MGA: variants seen among roughly 807,000 people sequenced by gnomAD.
The protein encoded by MGA is MAX dimerization protein MGA.
MGA carries 40 observed loss-of-function variants against 261.1 expected under a neutral mutation model. The ratio of observed to expected loss-of-function variants is 0.15; its 90% CI spans 0.12 to 0.20. The LOEUF is 0.20. Ranked by LOEUF, MGA falls within the 10% of genes least tolerant of loss-of-function variation. The probability of loss-of-function intolerance (pLI) is 1.00; values close to 1 mark genes in which losing one functional copy is unlikely to be tolerated. For missense variants in MGA, 3,397 were observed against 3,630.5 expected, an observed-to-expected ratio of 0.94 and a Z score of 1.65; for synonymous variants, 1,302 against 1,290.6, an observed-to-expected ratio of 1.01 and a Z score of -0.19.
intron 8 of MGA, 139 bp downstream of exon 8, chr15:41,711,488 C>G (rs941783672): frequency 1.2e-6 from 1 of 821,032 alleles, no homozygotes; most frequent in Non-Finnish European, 1.8e-6. Context: ...GGAACTAAGG[C>G]TATGTCTTCC....
At chr15:41,680,775 C>T (rs2058627127) in intron 2 of MGA, among the ~76,000 whole-genome samples, 1 of 152,134 alleles carries the variant, frequency 6.6e-6, no homozygotes, top group Non-Finnish European at 1.5e-5. Flanking sequence ...TGTTCACCAG[C>T]CAGGAAGCTT....
In MGA at chr15:41,768,273, C is replaced by T. The variant is rs2063897499; in HGVS notation, c.*993C>T. 2 of 152,564 alleles carry T rather than the reference C, an allele frequency of 1.3e-5. No individual in the cohort carries two copies. The highest frequency in any genetic ancestry group is 1.3e-4 in the Admixed American group (2 of 15,284). 9.5% of individuals were successfully genotyped at this position (152,564 alleles called of 1,614,324 possible). On this transcript the variant is annotated 3_prime_UTR_variant, in exon 24 of 24. Transcript: ENST00000219905. ...GGCACTCTTTACCAGGGAAATAAGGCAGTATTTGAATCACAAGATATATTT... is the reference window on the plus strand; with the variant it reads ...GGCACTCTTTACCAGGGAAATAAGGTAGTATTTGAATCACAAGATATATTT...
Position 41,766,096 on chromosome 15 carries a change from C to T in MGA, c.8014C>T (p.Pro2672Ser). 3 of 1,613,892 alleles carry T rather than the reference C, an allele frequency of 1.9e-6. No homozygotes were observed. Among genetic ancestry groups the T allele is most frequent in the Non-Finnish European group, 2.5e-6 (3 of 1,179,874 alleles). Residue 2672 changes from proline (P) to serine (S), a missense_variant, in exon 24 of 24, where the codon CCT (proline) becomes TCT (serine). By Grantham distance (74) the Pro-to-Ser change is moderately conservative. This residue lies in a region of MGA where 647 missense variants were observed against 642.4 expected (regional missense o/e 1.01). Coordinates refer to ENST00000219905, the MANE Select transcript of MGA (RefSeq NM_001164273.2). ...GGTAGATATGGGTGGCAGCAAATAT[C>T]CTCATGAAGTTCCTGATAGCAAGCC...
At position 41,650,984 on chromosome 15, in the gene MGA, C is replaced by T. The variant is rs569712457; in HGVS notation, c.-67-17844C>T. ...ATAAACAATAGAGGTTTATTTGGCT[C>T]ACAGTTCTGGAGGCTGGGAAGTCCA... On this transcript the variant is annotated intron_variant, in intron 1 of 8. Transcript: ENST00000566718. Among the ~76,000 whole-genome samples, 9 of 152,210 alleles carry T rather than the reference C, an allele frequency of 5.9e-5. No homozygotes were observed. The South Asian group carries it at 1.9e-3, about 32-fold the overall frequency.
intron 9 of MGA, among the ~76,000 whole-genome samples, chr15:41,713,839 A>G (rs2060499021): frequency 6.6e-6 from 1 of 152,226 alleles, no homozygotes; most frequent in Non-Finnish European, 1.5e-5. Flanking sequence ...TTCCTTGGAA[A>G]GACTATAGAT....
At chr15:41,760,026 CT>C (rs2063364271) in intron 19 of MGA, 3 of 277,566 alleles carry the variant, frequency 1.1e-5, no homozygotes, top group Non-Finnish European at 2.1e-5. Flanking sequence ...TACTTAAGCT[CT>C]TTCAGATCTC....
chr15:41,745,602 ATATC>A (rs2062415647), intron 15 of MGA, among the ~76,000 whole-genome samples: 1 of 151,884 alleles, frequency 6.6e-6, no homozygotes, highest in African/African-American at 2.4e-5. Flanking sequence ...AAAAAAATAT[ATATC>A]TATATATAGA....
In MGA at chr15:41,736,255, G is replaced by T. The variant is rs1400829937; in HGVS notation, c.3991G>T (p.Gly1331Cys). 1 of 1,613,886 alleles carries T rather than the reference G, an allele frequency of 6.2e-7. No homozygotes were observed. Among genetic ancestry groups the T allele is most frequent in the Admixed American group, 1.7e-5 (1 of 60,002 alleles). Residue 1331 changes from glycine (G) to cysteine (C), a missense_variant, in exon 13 of 24, where the codon GGT becomes TGT. By Grantham distance (159) the Gly-to-Cys change is radical. This residue lies in a region of MGA where 1,410 missense variants were observed against 1,386.4 expected (regional missense o/e 1.02). Transcript: ENST00000219905. ...TTATATGCATCAGAGGTCACCTGGT[G>T]GTCCCACCAAACTGATTGAGATCAT...
rs1427705912 is a variant in MGA, at chr15:41,749,630, T to C, written c.6023T>C (p.Ile2008Thr). ...GCTGTAGACCCTGAGGCTAATGTAA[T>C]AAAACAAAACTCAGGAGCTGCTACC... is the stretch of plus-strand genomic sequence containing the variant. The change falls in exon 17 of 24, where the codon ATA becomes ACA. Residue 2008 changes from isoleucine to threonine, a missense_variant. Ile to Thr is a moderately conservative substitution (Grantham distance 89). This residue lies in a region of MGA where 1,410 missense variants were observed against 1,386.4 expected (regional missense o/e 1.02). Transcript: ENST00000219905. The C allele has an allele frequency of 6.2e-7, 1 of 1,613,870 alleles. No homozygotes were observed. The highest frequency in any genetic ancestry group is 1.7e-5 in the Admixed American group (1 of 59,984).
intron 9 of MGA, among the ~76,000 whole-genome samples, chr15:41,725,845 AAAAAAAAAAAATAAATAAAT>A (rs1382186508): frequency 0.019 from 139 of 7,294 alleles, 41 homozygotes; most frequent in African/African-American, 0.031. Flanking sequence ...AAAAAAAAAA[AAAAAAAAAAAATAAATAAAT>A]AAATAAATAA....
At chr15:41,653,340 G>T (rs1180323262) in intron 1 of MGA, among the ~76,000 whole-genome samples, 2 of 150,826 alleles carry the variant, frequency 1.3e-5, no homozygotes, top group Non-Finnish European at 3.0e-5. Flanking sequence ...TTGCACTCCA[G>T]CCTGGGTGAC....
intron 9 of MGA, among the ~76,000 whole-genome samples, chr15:41,723,965 GT>G (rs79177668): frequency 0.048 from 6,798 of 141,840 alleles, 272 homozygotes; most frequent in South Asian, 0.13. Context: ...TATCTTAAGA[GT>G]TTTTTTTTTT....
rs1205308766 is a variant in MGA at position 41,731,408 on chromosome 15, ATTATT to A, written c.3843+2063_3843+2067del. Among the ~76,000 whole-genome samples, 3 of 152,112 alleles carry A rather than the reference ATTATT, an allele frequency of 2.0e-5. No individual in the cohort carries two copies. The East Asian group carries it at 5.8e-4, about 29-fold the overall frequency. ...ATATTTTAAAATAATTTCTCTCATA[ATTATT>A]TTAAACATTTTCATAAAAACTCTTT... On this transcript the variant is annotated intron_variant, in intron 11 of 23. Coordinates refer to ENST00000219905, the MANE Select transcript of MGA (RefSeq NM_001164273.2).
intron 3 of MGA, among the ~76,000 whole-genome samples, chr15:41,698,305 A>T (rs2059653183): frequency 1.3e-5 from 2 of 150,742 alleles, no homozygotes; most frequent in Admixed American, 1.3e-4. Flanking sequence ...AGTAGCTGGG[A>T]CTACAGGTGT....
intron 15 of MGA, among the ~76,000 whole-genome samples, 167 bp from the exon 16 acceptor site, chr15:41,748,470 C>G (rs773720780): frequency 3.5e-4 from 54 of 152,132 alleles, no homozygotes; most frequent in Non-Finnish European, 2.5e-4. Flanking sequence ...GGAAGAATCA[C>G]TTGAACTAGG....
chr15:41,723,456 C>T (rs1329201566), intron 9 of MGA, among the ~76,000 whole-genome samples: 1 of 152,154 alleles, frequency 6.6e-6, no homozygotes, highest in African/African-American at 2.4e-5. Flanking sequence ...TGCTCTGTCA[C>T]CCAGGCTGGA....
At chr15:41,754,366 A>T in intron 17 of MGA, 71 bp from the exon 18 acceptor site, 3 of 1,415,068 alleles carry the variant, frequency 2.1e-6, no homozygotes, top group African/African-American at 1.4e-5. Context: ...TATAAGGGGA[A>T]CAAACATTTG....
intron 1 of MGA, among the ~76,000 whole-genome samples, chr15:41,639,799 TG>T (rs1325270431): frequency 6.6e-6 from 1 of 152,058 alleles, no homozygotes; most frequent in African/African-American, 2.4e-5. Flanking sequence ...CTGCCTGCCT[TG>T]GCCTCCCAAA....
chr15:41,644,086 C>A (rs977376024), intron 1 of MGA, among the ~76,000 whole-genome samples: 3 of 151,882 alleles, frequency 2.0e-5, no homozygotes, highest in Non-Finnish European at 2.9e-5. Context: ...GTATGTGTAT[C>A]CAGTTGTCCC....
Sources: allele counts gnomAD v4.1 joint callset (sites outside exome capture counted in the v4.1 genomes callset), GRCh38; gene constraint gnomAD v4.1.1; regional missense constraint gnomAD v4.1.1; transcripts MANE v1.5; gene names NCBI Gene and HGNC (gene_info 2026-07-23, HGNC 2026-07-21).